ITGAD: variants seen among roughly 807,000 people sequenced by gnomAD.
ITGAD encodes the protein integrin subunit alpha D.
Under a neutral mutation model 139.0 loss-of-function variants are expected in ITGAD, and 105 were observed. That is an observed-to-expected ratio of 0.76 (90% CI 0.65 to 0.89). The LOEUF (loss-of-function observed/expected upper bound fraction) is 0.89. ITGAD is among the 40% of genes least tolerant of loss of function. The pLI is 0.00. For missense variants in ITGAD, 1,384 were observed against 1,487.3 expected (o/e 0.93, Z 1.14); for synonymous variants, 569 against 598.3 (o/e 0.95, Z 0.71).
Position 31,411,193 on chromosome 16 carries a change from T to G in ITGAD, c.1474T>G (p.Ser492Ala). The G allele has an allele frequency of 6.2e-7, 1 of 1,613,824 alleles. No individual in the cohort carries two copies. The highest frequency in any genetic ancestry group is 8.5e-7 in the Non-Finnish European group (1 of 1,179,870). The change falls in exon 13 of 30, where the codon TCC (serine) becomes GCC (alanine). Residue 492 changes from serine to alanine, a missense_variant. Coordinates refer to ENST00000389202, the MANE Select transcript of ITGAD (RefSeq NM_005353.3). Reference protein sequence around the residue: ...YYEQTRGGQVSVCPLPRGRVQ... With the variant: ...YYEQTRGGQVAVCPLPRGRVQ... ...TGAGCAGACCCGAGGGGGCCAGGTGTCCGTGTGTCCCTTGCCTAGGGGGGT... is the reference window on the plus strand; with the variant it reads ...TGAGCAGACCCGAGGGGGCCAGGTGGCCGTGTGTCCCTTGCCTAGGGGGGT...
chr16:31,394,130 CAAAAAAAAAAAAAAA>C, intron 1 of ITGAD, 91 bp from the exon 2 acceptor site: 1 of 414,528 alleles, frequency 2.4e-6, no homozygotes. Flanking sequence ...GACTCCATCT[CAAAAAAAAAAAAAAA>C]AAAAAGAAAA....
intron 19 of ITGAD, 66 bp from the exon 20 acceptor site, chr16:31,416,439 C>T (rs1376176705): frequency 1.3e-6 from 2 of 1,570,618 alleles, no homozygotes; most frequent in South Asian, 1.1e-5. Flanking sequence ...GGATTCTGCC[C>T]TGCCCTTCCC....
intron 5 of ITGAD, among the ~76,000 whole-genome samples, chr16:31,400,893 A>G (rs1330339442): frequency 6.6e-6 from 1 of 152,162 alleles, no homozygotes; most frequent in African/African-American, 2.4e-5. Flanking sequence ...GGCGTGAGCC[A>G]CCACTCCCAA....
At chr16:31,413,894 C>G (rs566683299) in intron 16 of ITGAD, among the ~76,000 whole-genome samples, 1 of 152,204 alleles carries the variant, frequency 6.6e-6, no homozygotes, top group Non-Finnish European at 1.5e-5. Context: ...TGGCCAGGTC[C>G]AGCAAGCATG....
intron 28 of ITGAD, 117 bp from the exon 29 acceptor site, chr16:31,424,350 C>A: frequency 8.1e-7 from 1 of 1,236,788 alleles, no homozygotes. Context: ...ACGGGTGCTA[C>A]TGTGTCTCAC....
At chr16:31,404,675 C>G (rs1032496920) in intron 7 of ITGAD, 1 of 152,296 alleles carries the variant, frequency 6.6e-6, no homozygotes, top group Non-Finnish European at 1.5e-5. Context: ...CAGTCCTGCT[C>G]TCATGCCCAG....
At position 31,412,906 on chromosome 16, in the gene ITGAD, C is replaced by T; in HGVS notation, c.1776C>T (p.Asp592=). The T allele has an allele frequency of 6.2e-7, 1 of 1,613,912 alleles. No individual in the cohort carries two copies. Among genetic ancestry groups the T allele is most frequent in the South Asian group, 1.1e-5 (1 of 91,060 alleles). ...GGCAGGCGCTGAGTGGGGGTCAGGA[C>T]CTCACCCAGGATGGACTGATGGACC... is the stretch of plus-strand genomic sequence containing the variant. The part of the protein sequence containing the change: ...YFGQALSGGQ[D]LTQDGLMDLA... The change falls in exon 15 of 30, where the codon GAC becomes GAT. Residue 592 remains aspartate, a synonymous_variant. Transcript: ENST00000389202.
chr16:31,416,462 T>C, intron 19 of ITGAD, 43 bp from the exon 20 acceptor site: 1 of 1,590,322 alleles, frequency 6.3e-7, no homozygotes, highest in South Asian at 1.1e-5. Flanking sequence ...TTCCCACCTA[T>C]TTCCAGTGGA....
chr16:31,422,042 T>C (rs2082017161), intron 23 of ITGAD, among the ~76,000 whole-genome samples: 1 of 151,896 alleles, frequency 6.6e-6, no homozygotes, highest in African/African-American at 2.4e-5. Flanking sequence ...GCAATCCTCC[T>C]GCCTCAGCCT....
chr16:31,418,599 G>T (rs936366078), intron 23 of ITGAD, 35 bp downstream of exon 23: 1 of 1,505,940 alleles, frequency 6.6e-7, no homozygotes, highest in African/African-American at 1.4e-5. Flanking sequence ...TGGACCTCTG[G>T]CCTTCCTCTA....
chr16:31,404,968 C>A (rs1266065170), intron 7 of ITGAD, among the ~76,000 whole-genome samples: 1 of 151,956 alleles, frequency 6.6e-6, no homozygotes, highest in Non-Finnish European at 1.5e-5. Flanking sequence ...ATGGCACAAT[C>A]TTGGCTTACT....
chr16:31,421,846 G>T (rs1436735072), intron 23 of ITGAD, among the ~76,000 whole-genome samples: 6 of 152,168 alleles, frequency 3.9e-5, no homozygotes, highest in Non-Finnish European at 8.8e-5. Flanking sequence ...CAGGCTGATG[G>T]GGGGTGGACT....
At position 31,410,793 on chromosome 16, in the gene ITGAD, C is replaced by T. The variant is rs544859256; in HGVS notation, c.1271C>T (p.Pro424Leu). The change falls in exon 12 of 30, where the codon CCC becomes CTC. Residue 424 changes from proline (P) to leucine (L), a missense_variant. Physicochemically the swap from Pro to Leu is moderately conservative, Grantham distance 98 (BLOSUM62 -3). Coordinates refer to ENST00000389202, the MANE Select transcript of ITGAD (RefSeq NM_005353.3). The part of the protein sequence containing the change: ...KGVQNLVLGA[P>L]RYQHTGKAVI... ...GTACAGAACCTGGTCCTGGGGGCCC[C>T]CCGCTACCAGCATACCGGGAAGGCT... is the stretch of plus-strand genomic sequence containing the variant. 6.2e-7 allele frequency: 1 copy of T among 1,613,838 alleles called. No individual in the cohort carries two copies. The highest frequency in any genetic ancestry group is 1.7e-5 in the Admixed American group (1 of 59,998).
In ITGAD at chr16:31,407,835, GACC is replaced by G. The variant is rs763729528; in HGVS notation, c.931_933del (p.His311del). 1.2e-6 allele frequency: 2 copies of G among 1,611,928 alleles called. No individual in the cohort carries two copies. The highest frequency in any genetic ancestry group is 1.7e-6 in the Non-Finnish European group (2 of 1,178,154). ...TACCATCAGCTCAGCGCCTCCGCAG[GACC>G]ACGTGTTCAAGGTGGACAACTTTGC... is the stretch of plus-strand genomic sequence containing the variant. On this transcript the variant is annotated inframe_deletion, in exon 9 of 30. Transcript: ENST00000389202.
chr16:31,400,352 A>G (rs972143055), intron 5 of ITGAD, among the ~76,000 whole-genome samples: 1 of 151,554 alleles, frequency 6.6e-6, no homozygotes, highest in Non-Finnish European at 1.5e-5. Flanking sequence ...TTTTTTCTGC[A>G]GTGGTGGGCA....
chr16:31,421,944 G>C (rs2082015177), intron 23 of ITGAD, among the ~76,000 whole-genome samples: 1 of 151,972 alleles, frequency 6.6e-6, no homozygotes, highest in African/African-American at 2.4e-5. Flanking sequence ...CTTTTTGTTT[G>C]TTTTGAGACA....
At chr16:31,424,631 C>G in intron 29 of ITGAD, 54 bp downstream of exon 29, 1 of 1,227,120 alleles carries the variant, frequency 8.1e-7, no homozygotes, top group Non-Finnish European at 1.1e-6. Context: ...AGTTTCCACT[C>G]TTACTGCCCA....
At position 31,397,446 on chromosome 16, in the gene ITGAD, G is replaced by T; in HGVS notation, c.225G>T (p.Gln75His). The change falls in exon 3 of 30, where the codon CAG becomes CAT. Residue 75 changes from glutamine (Q) to histidine (H), a missense_variant. Coordinates refer to ENST00000389202, the MANE Select transcript of ITGAD (RefSeq NM_005353.3). The part of the protein sequence containing the change: ...YDCAAATGMC[Q>H]PIPLHIRPEA... The stretch of plus-strand genomic sequence containing the variant: ...GCGCAGCTGCCACCGGCATGTGCCA[G>T]CCCATCCCGCTGCACAGTGAGTGAC... The T allele has an allele frequency of 6.3e-7, 1 of 1,596,754 alleles. No individual in the cohort carries two copies. Among genetic ancestry groups the T allele is most frequent in the Non-Finnish European group, 8.5e-7 (1 of 1,171,774 alleles).
At chr16:31,402,026 G>A in intron 5 of ITGAD, 89 bp from the exon 6 acceptor site, 1 of 1,466,710 alleles carries the variant, frequency 6.8e-7, no homozygotes, top group Non-Finnish European at 9.3e-7. Flanking sequence ...GGGATGCCAA[G>A]AACAGCCCCC....
Sources: gnomAD v4.1 joint callset for allele counts (sites outside exome capture counted in the v4.1 genomes callset) on GRCh38, gnomAD v4.1.1 for gene constraint, MANE v1.5 for transcripts, NCBI Gene and HGNC (gene_info 2026-07-23, HGNC 2026-07-21) for gene names.